FAM114A1: variants seen among roughly 807,000 people sequenced by gnomAD.
The protein encoded by FAM114A1 is family with sequence similarity 114 member A1.
A neutral mutation model predicts 64.3 loss-of-function variants in FAM114A1; 62 were observed. The ratio of observed to expected loss-of-function variants is 0.96; its 90% CI spans 0.79 to 1.19. FAM114A1 has a LOEUF of 1.19. Among genes scored for constraint, FAM114A1 ranks in the 50% most tolerant of loss-of-function variants. The pLI is 0.00. For missense variants in FAM114A1, 645 were observed against 676.3 expected (o/e 0.95, Z 0.51); for synonymous variants, 254 against 251.1 (o/e 1.01, Z -0.11).
At chr4:38,921,045 A>ATG (rs1358869696) in intron 8 of FAM114A1, among the ~76,000 whole-genome samples, 1 of 152,204 alleles carries the variant, frequency 6.6e-6, no homozygotes, top group Non-Finnish European at 1.5e-5. Flanking sequence ...AGTTATCCCG[A>ATG]TGTGCTCATC....
At chr4:38,918,179 G>A (rs917089043) in intron 8 of FAM114A1, among the ~76,000 whole-genome samples, 2 of 152,102 alleles carry the variant, frequency 1.3e-5, no homozygotes, top group Non-Finnish European at 2.9e-5. Context: ...AGCCGAGATC[G>A]CGCCATTGCA....
chr4:38,922,657 T>C, intron 8 of FAM114A1, 113 bp from the exon 9 acceptor site: 1 of 1,364,090 alleles, frequency 7.3e-7, no homozygotes, highest in Non-Finnish European at 9.8e-7. Flanking sequence ...AACCCAGCGA[T>C]ACCTCCCACA....
At chr4:38,888,649 AT>A (rs1325727513) in intron 3 of FAM114A1, among the ~76,000 whole-genome samples, 1 of 152,232 alleles carries the variant, frequency 6.6e-6, no homozygotes, top group Non-Finnish European at 1.5e-5. Context: ...GCCAAATCTA[AT>A]TTGCTGTTAT....
Position 38,888,194 on chromosome 4 carries a change from G to T in FAM114A1, c.349-3549G>T, listed in dbSNP as rs1020885284. Among the ~76,000 whole-genome samples the T allele has an allele frequency of 4.6e-5, 7 of 151,324 alleles. No homozygotes were observed. The Admixed American group carries it at 4.6e-4, about 10-fold the overall frequency. ...TTTAATGATAAAGACCTTTAAATGG[G>T]ATACTAGATATGAAAATGTCTTTCC... On this transcript the variant is annotated intron_variant, in intron 3 of 14. Coordinates refer to ENST00000358869, the MANE Select transcript of FAM114A1 (RefSeq NM_138389.4).
chr4:38,940,907 A>T lies in FAM114A1; in HGVS notation c.1537-61A>T. 9 of 1,546,586 alleles carry T rather than the reference A, an allele frequency of 5.8e-6. 1 individual carries two copies. In the South Asian group the frequency reaches 1.0e-4, roughly 17 times the overall value. On this transcript the variant is annotated intron_variant, in intron 13 of 14. Coordinates refer to ENST00000358869, the MANE Select transcript of FAM114A1 (RefSeq NM_138389.4). ...CAACAAAGCTAGTGTATTACATTTT[A>T]CGTGGCAAGCCTTGTAGTATGAGCA... is the stretch of plus-strand genomic sequence containing the variant.
intron 8 of FAM114A1, among the ~76,000 whole-genome samples, chr4:38,918,197 C>T (rs1182677594): frequency 6.6e-6 from 1 of 152,172 alleles, no homozygotes; most frequent in Non-Finnish European, 1.5e-5. Flanking sequence ...GCACTCCAGC[C>T]TGGGCAGCAA....
At chr4:38,914,430 G>A (rs1469068221) in intron 7 of FAM114A1, among the ~76,000 whole-genome samples, 1 of 152,052 alleles carries the variant, frequency 6.6e-6, no homozygotes. Flanking sequence ...GCTGGGCATG[G>A]TGGCAAGGGT....
chr4:38,895,032 G>C (rs1013850130), intron 4 of FAM114A1, among the ~76,000 whole-genome samples: 27 of 152,076 alleles, frequency 1.8e-4, no homozygotes, highest in African/African-American at 5.8e-4. Flanking sequence ...GTTGTTCCTC[G>C]CTTGCCTCTC....
intron 13 of FAM114A1, among the ~76,000 whole-genome samples, chr4:38,937,478 G>A (rs1186920275): frequency 6.6e-6 from 1 of 152,070 alleles, no homozygotes; most frequent in Non-Finnish European, 1.5e-5. Context: ...AGGACACCAG[G>A]CCTATTTGGT....
chr4:38,931,487 C>A lies in FAM114A1; in HGVS notation c.1198C>A (p.Gln400Lys). ...KRAHDWVEED[Q>K]TVVSVDVAKV... is the part of the protein sequence containing the mutation. The stretch of plus-strand genomic sequence containing the variant: ...GGCTCATGACTGGGTGGAAGAGGAT[C>A]AAACCGTGGTGTCAGTAGATGTGGC... Residue 400 changes from glutamine (Q) to lysine (K), a missense_variant, in exon 11 of 15, where the codon CAA becomes AAA. Physicochemically the swap from Gln to Lys is moderately conservative, Grantham distance 53 (BLOSUM62 1). Coordinates refer to ENST00000358869, the MANE Select transcript of FAM114A1 (RefSeq NM_138389.4). 6.2e-7 allele frequency: 1 copy of A among 1,613,872 alleles called. No individual in the cohort carries two copies. The highest frequency in any genetic ancestry group is 8.5e-7 in the Non-Finnish European group (1 of 1,179,948).
intron 7 of FAM114A1, among the ~76,000 whole-genome samples, chr4:38,911,305 A>C (rs1479483930): frequency 6.6e-6 from 1 of 152,226 alleles, no homozygotes; most frequent in Non-Finnish European, 1.5e-5. Flanking sequence ...CCTTCAGCCA[A>C]AGGCTGCTGA....
At chr4:38,927,353 G>T (rs554036435) in intron 9 of FAM114A1, among the ~76,000 whole-genome samples, 32 of 152,284 alleles carry the variant, frequency 2.1e-4, no homozygotes, top group African/African-American at 6.5e-4. Flanking sequence ...GTCTAATGAG[G>T]TCTCCTGATC....
intron 8 of FAM114A1, among the ~76,000 whole-genome samples, chr4:38,915,616 C>G (rs1035641938): frequency 6.6e-6 from 1 of 152,182 alleles, no homozygotes; most frequent in African/African-American, 2.4e-5. Flanking sequence ...CGTACACACA[C>G]CTGGGAAACC....
chr4:38,888,462 G>A (rs1246731570), intron 3 of FAM114A1, among the ~76,000 whole-genome samples: 1 of 152,160 alleles, frequency 6.6e-6, no homozygotes, highest in Non-Finnish European at 1.5e-5. Context: ...GTTGGAGGAT[G>A]TAGTGAGCTA....
At chr4:38,939,886 C>CTTTTTTTTTTTT (rs545845095) in intron 13 of FAM114A1, among the ~76,000 whole-genome samples, 1 of 131,668 alleles carries the variant, frequency 7.6e-6, no homozygotes. Context: ...CACTTTCTTT[C>CTTTTTTTTTTTT]TTTTTTTTTT....
chr4:38,886,739 C>G (rs1715850423), intron 3 of FAM114A1, among the ~76,000 whole-genome samples: 1 of 151,474 alleles, frequency 6.6e-6, no homozygotes, highest in Admixed American at 6.6e-5. Context: ...ACCAGCCTGG[C>G]CAACAAGGTG....
chr4:38,890,920 G>A (rs1341888788), intron 3 of FAM114A1, among the ~76,000 whole-genome samples: 1 of 152,120 alleles, frequency 6.6e-6, no homozygotes, highest in Non-Finnish European at 1.5e-5. Context: ...CAGAAACCAG[G>A]GACTGAGAAG....
At position 38,891,810 on chromosome 4, in the gene FAM114A1, C is replaced by CGTCAGCATCTGCCACAGTAG. The variant is rs1560297234; in HGVS notation, c.419_436+2dup. The CGTCAGCATCTGCCACAGTAG allele has an allele frequency of 6.2e-7, 1 of 1,612,340 alleles. No individual in the cohort carries two copies. The highest frequency in any genetic ancestry group is 8.5e-7 in the Non-Finnish European group (1 of 1,179,220). ...GGATCCTGGGGCAAATCTCTGCTGT[C>CGTCAGCATCTGCCACAGTAG]GTCAGCATCTGCCACAGTAGGTAAG... On this transcript the variant is annotated frameshift_variant, in exon 4 of 15. Coordinates refer to ENST00000358869, the MANE Select transcript of FAM114A1 (RefSeq NM_138389.4). LOFTEE classifies it high-confidence loss of function.
intron 7 of FAM114A1, among the ~76,000 whole-genome samples, chr4:38,911,837 TTTTTTTCTTTTTTTTTC>T (rs1718561950): frequency 8.0e-6 from 1 of 125,580 alleles, no homozygotes; most frequent in African/African-American, 2.9e-5. Context: ...TTCTTCTTTT[TTTTTTTCTTTTTTTTTC>T]TTTTTTCTTT....
Sources: gnomAD v4.1 joint callset for allele counts (sites outside exome capture counted in the v4.1 genomes callset) on GRCh38, gnomAD v4.1.1 for gene constraint, MANE v1.5 for transcripts, NCBI Gene and HGNC (gene_info 2026-07-23, HGNC 2026-07-21) for gene names.